The following HS3ST4 variants were observed in gnomAD, a reference collection of about 807,000 sequenced individuals.
The protein encoded by HS3ST4 is heparan sulfate-glucosamine 3-sulfotransferase 4.
Under a neutral mutation model 29.2 loss-of-function variants are expected in HS3ST4, and 17 were observed. That is an observed-to-expected ratio of 0.58 (90% CI 0.40 to 0.87). The LOEUF is 0.87. HS3ST4 is among the 40% of genes least tolerant of loss of function. The pLI is 0.00. For synonymous variants in HS3ST4, 314 were observed against 285.7 expected (o/e 1.10, Z -1.00); for missense variants, 627 against 634.5 (o/e 0.99, Z 0.13).
rs151149273 is a variant in HS3ST4 at position 25,931,563 on chromosome 16, A to G, written c.735-204049A>G. On this transcript the variant is annotated intron_variant, in intron 1 of 1. Transcript: ENST00000331351. ...GCAAAAGCACCTTCAATGGGCAGTT[A>G]TGGAGGCATTACCAGGGCCATTTGG... Among the ~76,000 whole-genome samples the G allele has an allele frequency of 2.6e-3, 399 of 152,338 alleles. 16 individuals are homozygous for G. The East Asian group carries it at 0.059, about 23-fold the overall frequency.
At chr16:25,721,741 G>A (rs1966498021) in intron 1 of HS3ST4, among the ~76,000 whole-genome samples, 1 of 152,212 alleles carries the variant, frequency 6.6e-6, no homozygotes, top group Admixed American at 6.5e-5. Context: ...AGTGCAAGAG[G>A]AGAATGAAAG....
At chr16:26,128,578 G>C (rs1899376746) in intron 1 of HS3ST4, among the ~76,000 whole-genome samples, 1 of 152,126 alleles carries the variant, frequency 6.6e-6, no homozygotes, top group Non-Finnish European at 1.5e-5. Flanking sequence ...GTCTCCAAAT[G>C]GTTTGACTTT....
intron 1 of HS3ST4, among the ~76,000 whole-genome samples, chr16:25,916,673 CTTTTTTTTTTTTT>C (rs34339195): frequency 3.3e-5 from 3 of 92,172 alleles, no homozygotes; most frequent in South Asian, 7.4e-4. Flanking sequence ...CAAATGCATT[CTTTTTTTTTTTTT>C]TTTTTTTTTT....
intron 1 of HS3ST4, among the ~76,000 whole-genome samples, chr16:25,817,448 C>T (rs757133765): frequency 6.6e-6 from 1 of 152,104 alleles, no homozygotes; most frequent in Non-Finnish European, 1.5e-5. Context: ...TAAAATCAGC[C>T]ATAGATAATA....
intron 1 of HS3ST4, among the ~76,000 whole-genome samples, chr16:26,022,770 C>T (rs1969426894): frequency 6.6e-6 from 1 of 151,698 alleles, no homozygotes; most frequent in Non-Finnish European, 1.5e-5. Context: ...GCCTTGGCCT[C>T]CCGATGTGCT....
At chr16:25,896,075 C>A (rs1328723519) in intron 1 of HS3ST4, among the ~76,000 whole-genome samples, 1 of 152,146 alleles carries the variant, frequency 6.6e-6, no homozygotes, top group Non-Finnish European at 1.5e-5. Context: ...CCTTGACCAA[C>A]AGAATCTCAG....
At chr16:25,759,531 G>A (rs1328258126) in intron 1 of HS3ST4, among the ~76,000 whole-genome samples, 1 of 152,208 alleles carries the variant, frequency 6.6e-6, no homozygotes, top group Non-Finnish European at 1.5e-5. Context: ...ATGGTGGAGT[G>A]GGGGTTGACC....
At chr16:25,843,648 A>G (rs1967437465) in intron 1 of HS3ST4, among the ~76,000 whole-genome samples, 1 of 152,194 alleles carries the variant, frequency 6.6e-6, no homozygotes, top group Admixed American at 6.5e-5. Flanking sequence ...TCTTTTGGCA[A>G]AGAGACTTTG....
chr16:26,061,715 A>G (rs1217610841), intron 1 of HS3ST4, among the ~76,000 whole-genome samples: 1 of 152,126 alleles, frequency 6.6e-6, no homozygotes, highest in Non-Finnish European at 1.5e-5. Context: ...GGGCCCAAAT[A>G]ATGTCATCAG....
chr16:25,939,577 G>T (rs1199326249), intron 1 of HS3ST4, among the ~76,000 whole-genome samples: 2 of 151,994 alleles, frequency 1.3e-5, no homozygotes, highest in Admixed American at 6.6e-5. Context: ...AACCTCAGAT[G>T]ATCCGCCCAC....
rs551953092 is a variant in HS3ST4 at position 25,844,077 on chromosome 16, A to G, written c.734+150926A>G. 2.3e-5 allele frequency among the ~76,000 whole-genome samples: 3 copies of G among 132,740 alleles called. No homozygotes were observed. In the East Asian group the frequency reaches 6.0e-4, roughly 27 times the overall value. The allele number at this position is 132,740 out of a possible 152,430, so 87.1% of individuals were successfully genotyped here. ...GCTGAACAGGTAAGGCAGATTTTTCACATGTTTGTTTTTTAAATCTCCCAA... is the reference window on the plus strand; with the variant it reads ...GCTGAACAGGTAAGGCAGATTTTTCGCATGTTTGTTTTTTAAATCTCCCAA... On this transcript the variant is annotated intron_variant, in intron 1 of 1. Transcript: ENST00000331351.
At chr16:25,937,510 G>A (rs4530140) in intron 1 of HS3ST4, among the ~76,000 whole-genome samples, 4,146 of 152,218 alleles carry the variant, frequency 0.027, 168 homozygotes, top group African/African-American at 0.094. Context: ...AGGAACAGGA[G>A]CGTAGGAAAG....
In HS3ST4 at chr16:25,693,014, G is replaced by A. The variant is rs768797802; in HGVS notation, c.597G>A (p.Gln199=). The A allele has an allele frequency of 1.9e-6, 3 of 1,611,556 alleles. No individual in the cohort carries two copies. Among genetic ancestry groups the A allele is most frequent in the South Asian group, 2.2e-5 (2 of 90,894 alleles). The change falls in exon 1 of 2, where the codon CAG becomes CAA. Residue 199 remains glutamine (Q), a synonymous_variant. Coordinates refer to ENST00000331351, the MANE Select transcript of HS3ST4 (RefSeq NM_006040.3). The part of the protein sequence containing the change: ...TPDYGEKKLP[Q]ALIIGVKKGG... ...ACTATGGGGAGAAGAAGCTGCCACA[G>A]GCGCTCATCATCGGGGTCAAGAAAG...
chr16:25,926,108 C>G lies in HS3ST4; in HGVS notation c.735-209504C>G, dbSNP rs141951678. On this transcript the variant is annotated intron_variant, in intron 1 of 1. Transcript: ENST00000331351. ...TAAAAACTTTACTACATTAAATGTA[C>G]AATTCCAAGGTTTTTAGAAAATTTA... 5.1e-3 allele frequency among the ~76,000 whole-genome samples: 777 copies of G among 152,210 alleles called. 10 individuals carry two copies. Among genetic ancestry groups the G allele is most frequent in the African/African-American group, 0.017 (723 of 41,512 alleles).
intron 1 of HS3ST4, among the ~76,000 whole-genome samples, chr16:26,100,195 C>T (rs763133118): frequency 6.6e-6 from 1 of 152,150 alleles, no homozygotes; most frequent in Non-Finnish European, 1.5e-5. Context: ...GTACTATGCT[C>T]ACTATCTGGG....
chr16:25,946,824 A>G (rs182824343), intron 1 of HS3ST4, among the ~76,000 whole-genome samples: 300 of 150,650 alleles, frequency 2.0e-3, no homozygotes, highest in African/African-American at 6.8e-3. Flanking sequence ...AGAGATAGGG[A>G]AAAAAAACAC....
intron 1 of HS3ST4, among the ~76,000 whole-genome samples, chr16:26,109,499 C>CAGTG (rs1899099508): frequency 6.6e-6 from 1 of 151,686 alleles, no homozygotes; most frequent in Non-Finnish European, 1.5e-5. Context: ...GGTTCCCTGA[C>CAGTG]AGTGTATCAA....
chr16:26,135,921 CCT>C lies in HS3ST4; in HGVS notation c.1048_1049del (p.Ser350ProfsTer8). ...TGGAAAACTGGCTCCAGTATTTCCC[CCT>C]CTCCCAGATCCTCTTTGTCAGTGGT... Reference protein sequence around the residue: ...HLENWLQYFPLSQILFVSGER... With the variant: ...HLENWLQYFPXSQILFVSGER... On this transcript the variant is annotated frameshift_variant, in exon 2 of 2. Transcript: ENST00000331351. LOFTEE classifies it high-confidence loss of function. 1 of 1,613,964 alleles carries C rather than the reference CCT, an allele frequency of 6.2e-7. No individual in the cohort carries two copies. Among genetic ancestry groups the C allele is most frequent in the Non-Finnish European group, 8.5e-7 (1 of 1,179,870 alleles).
rs547392054 is a variant in HS3ST4 at position 26,005,061 on chromosome 16, A to G, written c.735-130551A>G. ...ATAAAATTTCCTCTTCTAAGCTAAA[A>G]TAGCATCTTAAAGAAAAAGGATTCT... is the stretch of plus-strand genomic sequence containing the variant. On this transcript the variant is annotated intron_variant, in intron 1 of 1. Transcript: ENST00000331351. Among the ~76,000 whole-genome samples the G allele has an allele frequency of 6.6e-5, 10 of 152,282 alleles. No homozygotes were observed. The South Asian group carries it at 1.9e-3, about 28-fold the overall frequency.
Sources: gnomAD v4.1 joint callset for allele counts (sites outside exome capture counted in the v4.1 genomes callset) on GRCh38, gnomAD v4.1.1 for gene constraint, MANE v1.5 for transcripts, NCBI Gene and HGNC (gene_info 2026-07-23, HGNC 2026-07-21) for gene names.